The following BCL6 variants were observed in gnomAD, a reference collection of about 807,000 sequenced individuals.
The protein encoded by BCL6 is BCL6 transcription repressor.
In BCL6, 7 loss-of-function variants were observed where a neutral mutation model predicts 59.5. The observed-to-expected ratio is 0.12, with a 90% CI of 0.07 to 0.22. BCL6 has a LOEUF of 0.22. Among genes scored for constraint, BCL6 ranks in the 10% least tolerant of loss-of-function variants. The pLI, the probability that BCL6 is intolerant of heterozygous loss-of-function variation, is 1.00. For synonymous variants in BCL6, 339 were observed against 349.7 expected, an observed-to-expected ratio of 0.97 and a Z score of 0.34; for missense variants, 685 against 939.4, an observed-to-expected ratio of 0.73 and a Z score of 3.54.
chr3:187,723,831 T>C (rs1718538188), intron 9 of BCL6, among the ~76,000 whole-genome samples: 1 of 152,216 alleles, frequency 6.6e-6, no homozygotes, highest in African/African-American at 2.4e-5. Flanking sequence ...TTCTCAACTC[T>C]GATATCCTAG....
intron 1 of BCL6, among the ~76,000 whole-genome samples, chr3:187,743,338 G>A (rs1055909883): frequency 6.6e-6 from 1 of 151,730 alleles, no homozygotes; most frequent in Non-Finnish European, 1.5e-5. Flanking sequence ...GGGGTGGCGG[G>A]GGCCGGCGGG....
Position 187,729,940 on chromosome 3 carries a change from CATG to C in BCL6, c.462_464del (p.Ile154del), listed in dbSNP as rs1215030963. ...CCACCACCTCACGACCCCGATAGGC[CATG>C]ATGTCTTGGGGCATCAGCATCCGGC... On this transcript the variant is annotated inframe_deletion, in exon 5 of 10. Coordinates refer to ENST00000406870, the MANE Select transcript of BCL6 (RefSeq NM_001706.5). This position sits in a 1 kb window ranked among gnomAD's most constrained non-coding sequence, Gnocchi z 5.6. 15 of 1,613,442 alleles carry C rather than the reference CATG, an allele frequency of 9.3e-6. No homozygotes were observed. Among genetic ancestry groups the C allele is most frequent in the East Asian group, 2.2e-5 (1 of 44,888 alleles).
In BCL6 at chr3:187,726,890, C is replaced by T. The variant is rs762251488; in HGVS notation, c.1549G>A (p.Ala517Thr). Reference protein sequence around the residue: ...EYSDSSCENGAFFCNECDCRF... With the variant: ...EYSDSSCENGTFFCNECDCRF... ...CAGTCACACTCATTGCAGAAGAAGG[C>T]CCCGTTCTCTGTTGGAGGGTGGTAG... The change falls in exon 7 of 10, where the codon GCC (alanine) becomes ACC (threonine). Residue 517 changes from alanine to threonine, a missense_variant. By Grantham distance (58) the Ala-to-Thr change is moderately conservative (BLOSUM62 0). Around this residue, in one of 7 missense-constraint regions of BCL6, gnomAD observed 207 missense variants for 213.7 expected, o/e 0.97. Coordinates refer to ENST00000406870, the MANE Select transcript of BCL6 (RefSeq NM_001706.5). 3.5e-5 allele frequency: 57 copies of T among 1,613,964 alleles called. No individual in the cohort carries two copies. In the East Asian group the frequency reaches 1.2e-3, roughly 35 times the overall value.
At chr3:187,742,548 C>T (rs1711645406) in intron 1 of BCL6, among the ~76,000 whole-genome samples, 1 of 152,306 alleles carries the variant, frequency 6.6e-6, no homozygotes, top group African/African-American at 2.4e-5. Context: ...TCTAGCCTTA[C>T]TGTCACTATC....
At position 187,729,450 on chromosome 3, in the gene BCL6, G is replaced by A. The variant is rs1262902643; in HGVS notation, c.955C>T (p.Pro319Ser). The A allele has an allele frequency of 2.5e-6, 4 of 1,610,068 alleles. No individual in the cohort carries two copies. Among genetic ancestry groups the A allele is most frequent in the Non-Finnish European group, 8.5e-7 (1 of 1,177,612 alleles). ...EDEIALHFEP[P>S]NAPLNRKGLV... is the part of the protein sequence containing the mutation. Reference sequence around the variant, plus strand: ...CCCTTCCGGTTCAGGGGTGCATTGGGGGGCTCGAAATGCAGGGCAATCTCA... The same window carrying A: ...CCCTTCCGGTTCAGGGGTGCATTGGAGGGCTCGAAATGCAGGGCAATCTCA... The change falls in exon 5 of 10, where the codon CCC becomes TCC. Residue 319 changes from proline (P) to serine (S), a missense_variant. By Grantham distance (74) the Pro-to-Ser change is moderately conservative. Transcript: ENST00000406870. This position sits in a 1 kb window ranked among gnomAD's most constrained non-coding sequence, Gnocchi z 5.6.
At chr3:187,744,289 G>A (rs1711764442) in intron 1 of BCL6, among the ~76,000 whole-genome samples, 1 of 152,156 alleles carries the variant, frequency 6.6e-6, no homozygotes, top group African/African-American at 2.4e-5. Context: ...CCCGCACACT[G>A]AAAGGCATCG....
intron 1 of BCL6, among the ~76,000 whole-genome samples, chr3:187,738,478 A>T (rs564290254): frequency 6.6e-6 from 1 of 152,272 alleles, no homozygotes; most frequent in East Asian, 1.9e-4. Context: ...GGATTTCCGA[A>T]TCCGATTTCC....
At position 187,729,993 on chromosome 3, in the gene BCL6, G is replaced by C. The variant is rs746514494; in HGVS notation, c.412C>G (p.Pro138Ala). Residue 138 changes from proline to alanine, a missense_variant, in exon 5 of 10, where the codon CCT becomes GCT. Transcript: ENST00000406870. The surrounding 1 kb of genome is among the most constrained non-coding windows in gnomAD (Gnocchi z 5.6). ...CTGTTGAGGAACTCTTCACGAGGAG[G>C]CTTGATGGCAGAAACCATCTCTGCT... ...SEAEMVSAIK[P>A]PREEFLNSRM... 6.3e-7 allele frequency: 1 copy of C among 1,578,406 alleles called. No homozygotes were observed. Among genetic ancestry groups the C allele is most frequent in the East Asian group, 2.3e-5 (1 of 44,442 alleles).
At chr3:187,739,964 A>G (rs1334436499) in intron 1 of BCL6, among the ~76,000 whole-genome samples, 1 of 152,210 alleles carries the variant, frequency 6.6e-6, no homozygotes, top group Non-Finnish European at 1.5e-5. Context: ...ACTCGTTCCC[A>G]GATTCGTTTC....
rs1560150254 is a variant in BCL6, at chr3:187,729,247, G to A, written c.1158C>T (p.Leu386=). The change falls in exon 5 of 10, where the codon CTC becomes CTT. Residue 386 remains leucine (L), a synonymous_variant. Transcript: ENST00000406870. The surrounding 1 kb of genome is among the most constrained non-coding windows in gnomAD (Gnocchi z 5.6). ...KKYKFIVLNS[L]NQNAKPEGPE... ...GCCCCTCTGGTTTGGCATTCTGGTTGAGGCTGTTGAGCACGATGAACTTGT... is the reference window on the plus strand; with the variant it reads ...GCCCCTCTGGTTTGGCATTCTGGTTAAGGCTGTTGAGCACGATGAACTTGT... 1 of 1,614,168 alleles carries A rather than the reference G, an allele frequency of 6.2e-7. No homozygotes were observed. The highest frequency in any genetic ancestry group is 8.5e-7 in the Non-Finnish European group (1 of 1,180,030).
At chr3:187,726,923 C>T (rs893169594) in intron 6 of BCL6, 25 bp from the exon 7 acceptor site, 1 of 1,612,306 alleles carries the variant, frequency 6.2e-7, no homozygotes, top group African/African-American at 1.3e-5. Context: ...TAGGGGGACA[C>T]CAAAGTCAGC....
Position 187,721,857 on chromosome 3 carries a change from TAA to T in BCL6, c.*599_*600del, listed in dbSNP as rs1362357995. ...TATTCTCTTAAGTGCTCTTTCTCAA[TAA>T]AGATTCTCAGATCCGTGTCTGCCTG... On this transcript the variant is annotated 3_prime_UTR_variant, in exon 10 of 10. Transcript: ENST00000406870. The surrounding 1 kb of genome is among the most constrained non-coding windows in gnomAD (Gnocchi z 4.2). 4.5e-6 allele frequency: 1 copy of T among 220,642 alleles called. No homozygotes were observed. Among genetic ancestry groups the T allele is most frequent in the Non-Finnish European group, 9.1e-6 (1 of 110,300 alleles). 13.7% of individuals were successfully genotyped at this position (220,642 alleles called of 1,614,324 possible). A position where few individuals can be genotyped will look rare whatever the true frequency, so the allele number is the denominator to read the frequency against.
chr3:187,725,130 T>C lies in BCL6; in HGVS notation c.1840-52A>G, dbSNP rs774231742. The C allele has an allele frequency of 1.9e-6, 3 of 1,609,322 alleles. No individual in the cohort carries two copies. The highest frequency in any genetic ancestry group is 4.5e-5 in the East Asian group (2 of 44,826). On this transcript the variant is annotated intron_variant, in intron 8 of 9. Coordinates refer to ENST00000406870, the MANE Select transcript of BCL6 (RefSeq NM_001706.5). This position sits in a 1 kb window ranked among gnomAD's most constrained non-coding sequence, Gnocchi z 4.7. ...TCTTCTGGGGTGGGCTGCAGGCCTC[T>C]GGGCAGCCCCTCATTAGCACACAGC...
chr3:187,722,252 A>C lies in BCL6; in HGVS notation c.*206T>G. 1 of 529,036 alleles carries C rather than the reference A, an allele frequency of 1.9e-6. No homozygotes were observed. Among genetic ancestry groups the C allele is most frequent in the Non-Finnish European group, 3.1e-6 (1 of 319,702 alleles). 32.8% of individuals were successfully genotyped at this position (529,036 alleles called of 1,614,324 possible). The stretch of plus-strand genomic sequence containing the variant: ...GAGAAGAAGCAATATGATTTTCTTA[A>C]TGTTTTATGGCAGTGGGGGAGGGGG... On this transcript the variant is annotated 3_prime_UTR_variant, in exon 10 of 10. Coordinates refer to ENST00000406870, the MANE Select transcript of BCL6 (RefSeq NM_001706.5).
At chr3:187,745,042 C>A (rs1248273689) in intron 1 of BCL6, among the ~76,000 whole-genome samples, 1 of 152,032 alleles carries the variant, frequency 6.6e-6, no homozygotes, top group Non-Finnish European at 1.5e-5. Flanking sequence ...CTCTCCTCCA[C>A]CTCCTTTCCA....
At position 187,725,224 on chromosome 3, in the gene BCL6, G is replaced by T; in HGVS notation, c.1840-146C>A. The T allele has an allele frequency of 7.5e-7, 1 of 1,329,832 alleles. No individual in the cohort carries two copies. The highest frequency in any genetic ancestry group is 1.0e-6 in the Non-Finnish European group (1 of 966,576). The allele number at this position is 1,329,832 out of a possible 1,614,324, so 82.4% of individuals were successfully genotyped here. ...CAGGGACTGAGTGGGCCTTTCTGCT[G>T]CCCACTCTGCTCACCTGCCCACTCC... is the stretch of plus-strand genomic sequence containing the variant. On this transcript the variant is annotated intron_variant, in intron 8 of 9. Coordinates refer to ENST00000406870, the MANE Select transcript of BCL6 (RefSeq NM_001706.5). The surrounding 1 kb of genome is among the most constrained non-coding windows in gnomAD (Gnocchi z 4.7).
rs1560146992 is a variant in BCL6, at chr3:187,725,084, CG to C, written c.1840-7del. On this transcript the variant is annotated splice_region_variant and splice_polypyrimidine_tract_variant and intron_variant, in intron 8 of 9. Transcript: ENST00000406870. The surrounding 1 kb of genome is among the most constrained non-coding windows in gnomAD (Gnocchi z 4.7). Reference sequence around the variant, plus strand: ...TGGGCACGGAGGTGGGCCACCTGAACGAAGAAGAAGGCATGAGAGGTCTTCT... The same window carrying C: ...TGGGCACGGAGGTGGGCCACCTGAACAAGAAGAAGGCATGAGAGGTCTTCT... 1.2e-6 allele frequency: 2 copies of C among 1,613,866 alleles called. No individual in the cohort carries two copies. Among genetic ancestry groups the C allele is most frequent in the Admixed American group, 3.3e-5 (2 of 60,026 alleles).
intron 1 of BCL6, among the ~76,000 whole-genome samples, chr3:187,745,054 A>T (rs577724100): frequency 6.6e-6 from 1 of 151,692 alleles, no homozygotes; most frequent in African/African-American, 2.4e-5. Context: ...TCCTTTCCAA[A>T]AACCAAAACA....
chr3:187,739,969 C>G (rs1711530892), intron 1 of BCL6, among the ~76,000 whole-genome samples: 1 of 152,218 alleles, frequency 6.6e-6, no homozygotes. Flanking sequence ...TTCCCAGATT[C>G]GTTTCCAGTC....
Sources: allele counts gnomAD v4.1 joint callset (sites outside exome capture counted in the v4.1 genomes callset), GRCh38; gene constraint gnomAD v4.1.1; regional missense constraint gnomAD v4.1.1; non-coding constraint Gnocchi (gnomAD v3.1); transcripts MANE v1.5; gene names NCBI Gene and HGNC (gene_info 2026-07-23, HGNC 2026-07-21).